DENND1A: variants seen among roughly 807,000 people sequenced by gnomAD.
The protein encoded by DENND1A is DENN domain containing 1A.
DENND1A carries 51 observed loss-of-function variants against 113.7 expected under a neutral mutation model. That is an observed-to-expected ratio of 0.45 (90% CI 0.36 to 0.57). The LOEUF is 0.57. Ranked by LOEUF, DENND1A falls within the 20% of genes least tolerant of loss-of-function variation. DENND1A has a pLI of 0.00. For missense variants in DENND1A, 1,258 were observed against 1,395.9 expected (o/e 0.90, Z 1.57); for synonymous variants, 565 against 570.8 (o/e 0.99, Z 0.14).
At chr9:123,445,061 T>C (rs1351049703) in intron 18 of DENND1A, among the ~76,000 whole-genome samples, 2 of 150,404 alleles carry the variant, frequency 1.3e-5, no homozygotes, top group Non-Finnish European at 2.9e-5. Flanking sequence ...TTCCTATTAT[T>C]TTCCTTGAGT....
At chr9:123,701,585 C>T (rs1331579370) in intron 5 of DENND1A, among the ~76,000 whole-genome samples, 1 of 152,208 alleles carries the variant, frequency 6.6e-6, no homozygotes, top group African/African-American at 2.4e-5. Context: ...CCTGCAGCCC[C>T]TATAACACAG....
intron 13 of DENND1A, among the ~76,000 whole-genome samples, chr9:123,549,961 A>T (rs771846344): frequency 2.0e-5 from 3 of 152,226 alleles, no homozygotes; most frequent in Non-Finnish European, 2.9e-5. Flanking sequence ...TTGTTTTTTC[A>T]TAAACAACTT....
intron 13 of DENND1A, among the ~76,000 whole-genome samples, chr9:123,514,119 T>C (rs1264352283): frequency 6.7e-6 from 1 of 149,262 alleles, no homozygotes; most frequent in Non-Finnish European, 1.5e-5. Context: ...TCTGTGTGTG[T>C]GTCCATGACA....
intron 5 of DENND1A, among the ~76,000 whole-genome samples, chr9:123,737,342 T>C (rs538142148): frequency 1.3e-5 from 2 of 152,230 alleles, no homozygotes; most frequent in African/African-American, 2.4e-5. Context: ...ACTACAGGTG[T>C]GCACTACCAT....
chr9:123,794,648 A>C (rs1833504358), intron 2 of DENND1A, among the ~76,000 whole-genome samples: 1 of 152,158 alleles, frequency 6.6e-6, no homozygotes. Context: ...TATGTCCGAA[A>C]CCAAAATTTG....
chr9:123,637,421 C>T (rs2061762720), intron 9 of DENND1A, among the ~76,000 whole-genome samples: 1 of 152,124 alleles, frequency 6.6e-6, no homozygotes, highest in Non-Finnish European at 1.5e-5. Flanking sequence ...TATCATGGTG[C>T]CATGATTCAA....
intron 2 of DENND1A, among the ~76,000 whole-genome samples, chr9:123,817,151 G>C (rs754501906): frequency 2.0e-5 from 3 of 152,096 alleles, no homozygotes; most frequent in Non-Finnish European, 2.9e-5. Flanking sequence ...TTAAAGCCTA[G>C]ATGATCTCCA....
rs192616912 is a variant in DENND1A, at chr9:123,509,561, C to T, written c.993+48009G>A. On this transcript the variant is annotated intron_variant, in intron 13 of 23. Coordinates refer to ENST00000394215, the MANE Select transcript of DENND1A (RefSeq NM_001352964.2). ...TGGGTCACAGATGGATGGCACATCCCCAGTGAACATGCAAGAAAGGTCACT... is the reference window on the plus strand; with the variant it reads ...TGGGTCACAGATGGATGGCACATCCTCAGTGAACATGCAAGAAAGGTCACT... Among the ~76,000 whole-genome samples, 4 of 152,292 alleles carry T rather than the reference C, an allele frequency of 2.6e-5. No individual in the cohort carries two copies. The East Asian group carries it at 7.7e-4, about 29-fold the overall frequency.
At chr9:123,876,226 C>T (rs1433286686) in intron 2 of DENND1A, among the ~76,000 whole-genome samples, 1 of 151,802 alleles carries the variant, frequency 6.6e-6, no homozygotes, top group South Asian at 2.1e-4. Flanking sequence ...TCAAAAAAGA[C>T]AAAGAAAGGC....
At chr9:123,766,705 T>C (rs987445219) in intron 4 of DENND1A, among the ~76,000 whole-genome samples, 1 of 152,258 alleles carries the variant, frequency 6.6e-6, no homozygotes, top group African/African-American at 2.4e-5. Context: ...CAAATGAAGA[T>C]AATGGCACCT....
rs190410123 is a variant in DENND1A, at chr9:123,919,693, C to A, written c.17+10196G>T. On this transcript the variant is annotated intron_variant, in intron 1 of 23. Transcript: ENST00000394215. ...GGTCAGGTGTTTGAGATCAGCCTGGCCAAAATGGTGAAATCTCATCTCTAC... is the reference window on the plus strand; with the variant it reads ...GGTCAGGTGTTTGAGATCAGCCTGGACAAAATGGTGAAATCTCATCTCTAC... Among the ~76,000 whole-genome samples the A allele has an allele frequency of 3.0e-3, 457 of 150,824 alleles. 1 individual carries two copies. Among genetic ancestry groups the A allele is most frequent in the African/African-American group, 0.011 (438 of 41,064 alleles).
At chr9:123,700,220 T>C (rs940291498) in intron 5 of DENND1A, among the ~76,000 whole-genome samples, 7 of 152,220 alleles carry the variant, frequency 4.6e-5, no homozygotes, top group African/African-American at 7.2e-5. Context: ...TTATTTTGCC[T>C]AAGTTCTTTG....
intron 12 of DENND1A, among the ~76,000 whole-genome samples, chr9:123,577,866 G>T (rs1462307966): frequency 6.6e-6 from 1 of 151,988 alleles, no homozygotes; most frequent in Non-Finnish European, 1.5e-5. Flanking sequence ...TTCAGGGCAG[G>T]GCTAAAATGA....
Position 123,394,159 on chromosome 9 carries a change from TTTTTTTA to T in DENND1A, c.1632-6308_1632-6302del, listed in dbSNP as rs373981589. ...GGCATGTGCTACCATGCCTGGCTAT[TTTTTTTA>T]TTTTTTATTTTAGTAGAGATGGGGT... On this transcript the variant is annotated intron_variant, in intron 21 of 23. Transcript: ENST00000394215. Among the ~76,000 whole-genome samples the T allele has an allele frequency of 3.4e-3, 520 of 152,124 alleles. 5 individuals carry two copies. The highest frequency in any genetic ancestry group is 0.012 in the African/African-American group (501 of 41,498).
chr9:123,575,783 GCCC>G, intron 12 of DENND1A, among the ~76,000 whole-genome samples: 1 of 152,182 alleles, frequency 6.6e-6, no homozygotes, highest in East Asian at 1.9e-4. Flanking sequence ...TTGTTTCTCT[GCCC>G]CCCAACTCTC....
intron 1 of DENND1A, among the ~76,000 whole-genome samples, chr9:123,889,357 TA>T (rs1226752896): frequency 6.6e-6 from 1 of 152,170 alleles, no homozygotes; most frequent in Non-Finnish European, 1.5e-5. Context: ...TAAAAGATGT[TA>T]AACTAATGTA....
intron 13 of DENND1A, among the ~76,000 whole-genome samples, chr9:123,542,347 C>T (rs1245512538): frequency 6.6e-6 from 1 of 152,194 alleles, no homozygotes; most frequent in African/African-American, 2.4e-5. Context: ...TAGAGTCACA[C>T]AGCTTAGAAA....
At chr9:123,790,349 T>G (rs1396904686) in intron 3 of DENND1A, among the ~76,000 whole-genome samples, 1 of 151,758 alleles carries the variant, frequency 6.6e-6, no homozygotes, top group African/African-American at 2.4e-5. Flanking sequence ...CAAAACAAAG[T>G]AGATCCTTCA....
At chr9:123,440,162 T>A in intron 19 of DENND1A, 198 bp downstream of exon 19, 1 of 577,280 alleles carries the variant, frequency 1.7e-6, no homozygotes, top group South Asian at 2.1e-5. Context: ...TCAGCCGTGC[T>A]GTCTCCTCAA....
Sources: allele counts gnomAD v4.1 joint callset (sites outside exome capture counted in the v4.1 genomes callset), GRCh38; gene constraint gnomAD v4.1.1; transcripts MANE v1.5; gene names NCBI Gene and HGNC (gene_info 2026-07-23, HGNC 2026-07-21).